The following DNER variants were observed in gnomAD, a reference collection of about 807,000 sequenced individuals.
DNER encodes the protein delta and Notch-like epidermal growth factor-related receptor.
In DNER, 33 loss-of-function variants were observed where a neutral mutation model predicts 78.2. The ratio of observed to expected loss-of-function variants is 0.42; its 90% confidence interval spans 0.32 to 0.56. The LOEUF (loss-of-function observed/expected upper bound fraction) is 0.56. Ranked by LOEUF, DNER falls within the 20% of genes least tolerant of loss-of-function variation. The probability of loss-of-function intolerance (pLI) is 0.11; values close to 1 mark genes in which losing one functional copy is unlikely to be tolerated. For missense variants in DNER, 918 were observed against 975.3 expected, an observed-to-expected ratio of 0.94 and a Z score of 0.78; for synonymous variants, 417 against 384.8, an observed-to-expected ratio of 1.08 and a Z score of -0.98.
chr2:229,679,677 C>T (rs565315168), intron 1 of DNER, among the ~76,000 whole-genome samples: 1 of 152,212 alleles, frequency 6.6e-6, no homozygotes, highest in African/African-American at 2.4e-5. Flanking sequence ...CTTATTCTGC[C>T]TGTCTGATGG....
rs946476330 is a variant in DNER at position 229,712,217 on chromosome 2, G to T, written c.276+1931C>A. On this transcript the variant is annotated intron_variant, in intron 1 of 12. Transcript: ENST00000341772. The stretch of plus-strand genomic sequence containing the variant: ...AGAAATCTGAATCTGTTTTGATCCA[G>T]TTGGTCCTGCAATGTTATGTATTAG... Among the ~76,000 whole-genome samples the T allele has an allele frequency of 6.6e-5, 10 of 152,222 alleles. 1 individual carries two copies. The highest frequency in any genetic ancestry group is 2.4e-4 in the African/African-American group (10 of 41,446).
Position 229,575,271 on chromosome 2 carries a change from AG to A in DNER, c.847+10586del, listed in dbSNP as rs1697277174. The stretch of plus-strand genomic sequence containing the variant: ...TATCTTCAGTTTGCTTCTCAAAACC[AG>A]GCAATCCCCCACGTAATGGATCAGG... On this transcript the variant is annotated intron_variant, in intron 4 of 12. Transcript: ENST00000341772. 4.6e-5 allele frequency among the ~76,000 whole-genome samples: 7 copies of A among 152,026 alleles called. No individual in the cohort carries two copies. The South Asian group carries it at 1.5e-3, about 32-fold the overall frequency.
chr2:229,564,547 CTCACCCCATTACCATCATCATCAACATCA>C (rs1191469785), intron 4 of DNER, among the ~76,000 whole-genome samples: 2 of 132,744 alleles, frequency 1.5e-5, no homozygotes, highest in East Asian at 4.8e-4. Flanking sequence ...CATCATCATC[CTCACCCCATTACCATCATCATCAACATCA>C]TCACCCCATC....
chr2:229,713,551 T>G (rs1017848200), intron 1 of DNER, among the ~76,000 whole-genome samples: 2 of 152,156 alleles, frequency 1.3e-5, no homozygotes, highest in African/African-American at 4.8e-5. Context: ...GCTCCTAAGC[T>G]TAGAGAGGGC....
At chr2:229,479,998 A>G (rs1021896310) in intron 6 of DNER, among the ~76,000 whole-genome samples, 1 of 152,218 alleles carries the variant, frequency 6.6e-6, no homozygotes, top group African/African-American at 2.4e-5. Flanking sequence ...AGAATGACAC[A>G]AAACCATGAC....
intron 5 of DNER, among the ~76,000 whole-genome samples, chr2:229,513,727 G>C (rs1461847937): frequency 1.3e-5 from 2 of 152,152 alleles, no homozygotes; most frequent in Non-Finnish European, 2.9e-5. Flanking sequence ...TTATGAGGAA[G>C]AGAGGAGGAG....
intron 1 of DNER, among the ~76,000 whole-genome samples, chr2:229,631,475 A>G (rs1698433210): frequency 6.6e-6 from 1 of 152,252 alleles, no homozygotes; most frequent in African/African-American, 2.4e-5. Flanking sequence ...GGAGGAAGAC[A>G]CTTCACATTG....
chr2:229,405,663 A>G (rs1302899526), intron 10 of DNER, among the ~76,000 whole-genome samples: 1 of 152,214 alleles, frequency 6.6e-6, no homozygotes, highest in East Asian at 1.9e-4. Context: ...TATGAGTGGT[A>G]TGACTCCTTT....
At chr2:229,500,228 C>G (rs566110714) in intron 6 of DNER, among the ~76,000 whole-genome samples, 1 of 152,112 alleles carries the variant, frequency 6.6e-6, no homozygotes, top group Non-Finnish European at 1.5e-5. Flanking sequence ...CCACCGTGCC[C>G]GGCCCTGAAT....
intron 8 of DNER, among the ~76,000 whole-genome samples, chr2:229,422,859 T>C (rs568479101): frequency 6.6e-6 from 1 of 152,116 alleles, no homozygotes; most frequent in African/African-American, 2.4e-5. Flanking sequence ...ATCAAGACAC[T>C]GGACAAGGAT....
chr2:229,598,746 G>C (rs1697769511), intron 1 of DNER, among the ~76,000 whole-genome samples: 1 of 152,116 alleles, frequency 6.6e-6, no homozygotes, highest in African/African-American at 2.4e-5. Context: ...TTTCCAATGA[G>C]AAATGGAGCC....
intron 8 of DNER, among the ~76,000 whole-genome samples, chr2:229,442,393 T>C (rs1418997532): frequency 7.2e-5 from 11 of 151,972 alleles, no homozygotes; most frequent in African/African-American, 2.4e-4. Flanking sequence ...TGGGTGCCTG[T>C]AGTCCCAGCT....
At chr2:229,565,806 T>C (rs1697095424) in intron 4 of DNER, among the ~76,000 whole-genome samples, 2 of 152,326 alleles carry the variant, frequency 1.3e-5, no homozygotes, top group South Asian at 2.1e-4. Context: ...CTTTGAAATT[T>C]TTTTGGCTTG....
chr2:229,370,921 C>T (rs1024856597), intron 11 of DNER, among the ~76,000 whole-genome samples: 5 of 152,176 alleles, frequency 3.3e-5, no homozygotes, highest in Non-Finnish European at 2.9e-5. Context: ...CACATGGCCA[C>T]TAAAGTGAAA....
intron 5 of DNER, among the ~76,000 whole-genome samples, chr2:229,527,295 A>G (rs540630860): frequency 6.6e-6 from 1 of 152,110 alleles, no homozygotes; most frequent in Non-Finnish European, 1.5e-5. Flanking sequence ...AGATATGTGC[A>G]CATATCTGAC....
At position 229,714,135 on chromosome 2, in the gene DNER, C is replaced by A; in HGVS notation, c.276+13G>T. 1 of 1,295,146 alleles carries A rather than the reference C, an allele frequency of 7.7e-7. No homozygotes were observed. The highest frequency in any genetic ancestry group is 2.2e-5 in the South Asian group (1 of 45,064). The allele number at this position is 1,295,146 out of a possible 1,614,324, so 80.2% of individuals were successfully genotyped here. ...GACCAGCGCCCCGCACCGCGCCCGC[C>A]GCTTCCACTCACCTGGCAGTTGGCG... On this transcript the variant is annotated intron_variant, in intron 1 of 12. Coordinates refer to ENST00000341772, the MANE Select transcript of DNER (RefSeq NM_139072.4).
chr2:229,539,769 G>A (rs373446268), intron 5 of DNER, among the ~76,000 whole-genome samples: 7 of 152,160 alleles, frequency 4.6e-5, no homozygotes, highest in African/African-American at 9.7e-5. Flanking sequence ...CTCACCTTCC[G>A]AGATTCCAAA....
chr2:229,379,956 G>T (rs73096292), intron 11 of DNER, among the ~76,000 whole-genome samples: 4,498 of 152,274 alleles, frequency 0.03, 97 homozygotes, highest in African/African-American at 0.06. Flanking sequence ...AAGTTAATTC[G>T]AAGCCCATTC....
In DNER at chr2:229,495,878, C is replaced by T. The variant is rs146496371; in HGVS notation, c.1147+16905G>A. ...CTCACTCATTCTCATATCATGTCTA[C>T]CTCCTGTTCAGCTCATCACTGCCAA... On this transcript the variant is annotated intron_variant, in intron 6 of 12. Transcript: ENST00000341772. 4.1e-4 allele frequency among the ~76,000 whole-genome samples: 62 copies of T among 152,288 alleles called. No individual in the cohort carries two copies. The East Asian group carries it at 0.012, about 29-fold the overall frequency.
Sources: allele counts gnomAD v4.1 joint callset (sites outside exome capture counted in the v4.1 genomes callset), GRCh38; gene constraint gnomAD v4.1.1; transcripts MANE v1.5; gene names NCBI Gene and HGNC (gene_info 2026-07-23, HGNC 2026-07-21).